CARS2: variants seen among roughly 807,000 people sequenced by gnomAD.
CARS2 encodes cysteinyl-tRNA synthetase 2, mitochondrial.
A neutral mutation model predicts 68.8 loss-of-function variants in CARS2; 52 were observed. That is an observed-to-expected ratio of 0.76 (90% CI 0.61 to 0.95). The LOEUF (loss-of-function observed/expected upper bound fraction) is 0.95. Ranked by LOEUF, CARS2 falls within the 40% of genes least tolerant of loss-of-function variation. The probability of loss-of-function intolerance (pLI) is 0.00; values close to 1 mark genes in which losing one functional copy is unlikely to be tolerated. For synonymous variants in CARS2, 314 were observed against 303.6 expected (o/e 1.03, Z -0.36); for missense variants, 780 against 754.2 (o/e 1.03, Z -0.40).
chr13:110,656,420 T>C (rs1314158511), intron 9 of CARS2, among the ~76,000 whole-genome samples: 4 of 152,330 alleles, frequency 2.6e-5, no homozygotes, highest in African/African-American at 9.6e-5. Flanking sequence ...CGCGAGTGTA[T>C]GTTCAGACCA....
At chr13:110,656,622 C>G (rs570851352) in intron 9 of CARS2, among the ~76,000 whole-genome samples, 38 of 152,200 alleles carry the variant, frequency 2.5e-4, no homozygotes, top group Admixed American at 2.1e-3. Context: ...TGGTGGCTCA[C>G]GCCTGTAAGC....
rs2062963850 is a variant in CARS2 at position 110,676,830 on chromosome 13, C to T, written c.785+144G>A. On this transcript the variant is annotated intron_variant, in intron 7 of 14. Transcript: ENST00000257347. This position sits in a 1 kb window ranked among gnomAD's most constrained non-coding sequence, Gnocchi z 4.0. ...GTTCACCCCGTTCCATGGCCCGTCA[C>T]ACTCCGGCAAAAATCTCTTCCCAAA... 4 of 1,097,628 alleles carry T rather than the reference C, an allele frequency of 3.6e-6. No homozygotes were observed. The highest frequency in any genetic ancestry group is 5.0e-6 in the Non-Finnish European group (4 of 796,010). 68.0% of individuals were successfully genotyped at this position (1,097,628 alleles called of 1,614,324 possible). A position where few individuals can be genotyped will look rare whatever the true frequency, so the allele number is the denominator to read the frequency against.
chr13:110,679,602 AGAGAGAG>A (rs1566712679), intron 6 of CARS2, among the ~76,000 whole-genome samples: 5 of 100,416 alleles, frequency 5.0e-5, no homozygotes, highest in African/African-American at 1.5e-4. Context: ...AAAGAAAGAG[AGAGAGAG>A]AGAGAGAGAG....
At chr13:110,667,552 C>T in intron 7 of CARS2, 79 bp from the exon 8 acceptor site, 1 of 1,314,852 alleles carries the variant, frequency 7.6e-7, no homozygotes. Context: ...TTTATTCCTT[C>T]CAGCCTTTTT....
rs868174323 is a variant in CARS2, at chr13:110,677,651, A to C, written c.656-548T>G. On this transcript the variant is annotated intron_variant, in intron 6 of 14. Transcript: ENST00000257347. ...CCACCACAGAAACTCAGTCACCCCC[A>C]CCAGGGAGACCCAGACAATCACACC... Among the ~76,000 whole-genome samples, 3 of 27,276 alleles carry C rather than the reference A, an allele frequency of 1.1e-4. No homozygotes were observed. In the South Asian group the frequency reaches 3.6e-3, roughly 33 times the overall value. The allele number at this position is 27,276 out of a possible 152,430, so 17.9% of individuals were successfully genotyped here. A position where few individuals can be genotyped will look rare whatever the true frequency, so the allele number is the denominator to read the frequency against.
At chr13:110,683,022 A>AC (rs1279546866) in intron 6 of CARS2, 29 bp downstream of exon 6, 2 of 1,553,178 alleles carry the variant, frequency 1.3e-6, no homozygotes, top group South Asian at 2.3e-5. Flanking sequence ...GAGGTCAGGG[A>AC]CCCACAGGGC....
Position 110,683,013 on chromosome 13 carries a change from A to T in CARS2, c.655+38T>A, listed in dbSNP as rs763359038. ...TCCCCAGAGCTGAGACCCGAGGCAG[A>T]GGTCAGGGACCCACAGGGCTGAGCC... is the stretch of plus-strand genomic sequence containing the variant. On this transcript the variant is annotated intron_variant, in intron 6 of 14. Transcript: ENST00000257347. 4 of 1,475,064 alleles carry T rather than the reference A, an allele frequency of 2.7e-6. No homozygotes were observed. In the African/African-American group the frequency reaches 5.7e-5, roughly 21 times the overall value. 91.4% of individuals were successfully genotyped at this position (1,475,064 alleles called of 1,614,324 possible).
intron 6 of CARS2, 140 bp from the exon 7 acceptor site, chr13:110,677,243 C>T: frequency 4.2e-6 from 2 of 474,086 alleles, no homozygotes; most frequent in Non-Finnish European, 3.1e-6. Context: ...CATGGAAACC[C>T]AGACAGTCAC....
exon 1 of CARS2, chr13:110,713,159 C>T: frequency 7.0e-7 from 1 of 1,429,266 alleles, no homozygotes; most frequent in Non-Finnish European, 9.1e-7. Context: ...TCCTCTTCAT[C>T]GTGATTGGGC....
chr13:110,676,482 G>A lies in CARS2; in HGVS notation c.785+492C>T, dbSNP rs1393917838. 6.6e-6 allele frequency among the ~76,000 whole-genome samples: 1 copy of A among 152,108 alleles called. No individual in the cohort carries two copies. Among genetic ancestry groups the A allele is most frequent in the Non-Finnish European group, 1.5e-5 (1 of 68,002 alleles). On this transcript the variant is annotated intron_variant, in intron 7 of 14. Coordinates refer to ENST00000257347, the MANE Select transcript of CARS2 (RefSeq NM_024537.4). This position sits in a 1 kb window ranked among gnomAD's most constrained non-coding sequence, Gnocchi z 4.0. ...GGCAGACAGTGGGAAGAGGAGCTTT[G>A]GTGACAGAGGACCCACATGAGGGTG...
chr13:110,696,563 G>A (rs2063629705), intron 3 of CARS2, among the ~76,000 whole-genome samples: 1 of 152,120 alleles, frequency 6.6e-6, no homozygotes, highest in Non-Finnish European at 1.5e-5. Flanking sequence ...TCATAACTAT[G>A]GGTTTCAGAT....
intron 9 of CARS2, among the ~76,000 whole-genome samples, chr13:110,660,387 T>A (rs1203771370): frequency 6.6e-6 from 1 of 152,240 alleles, no homozygotes; most frequent in East Asian, 1.9e-4. Context: ...TCTAGAATGG[T>A]GAATCCTTTC....
intron 9 of CARS2, among the ~76,000 whole-genome samples, chr13:110,651,606 T>C (rs1030820338): frequency 6.6e-6 from 1 of 152,188 alleles, no homozygotes; most frequent in African/African-American, 2.4e-5. Flanking sequence ...GGTGGCACAG[T>C]TCTTGTAAAC....
At chr13:110,669,447 G>A (rs1369161672) in intron 7 of CARS2, among the ~76,000 whole-genome samples, 1 of 152,204 alleles carries the variant, frequency 6.6e-6, no homozygotes, top group East Asian at 1.9e-4. Context: ...AATCTCTGAT[G>A]TAGCTACTAG....
chr13:110,680,567 A>C (rs566587212), intron 6 of CARS2, among the ~76,000 whole-genome samples: 2 of 152,300 alleles, frequency 1.3e-5, no homozygotes, highest in Admixed American at 1.3e-4. Context: ...TACACCATCT[A>C]CAAAGTAGCC....
chr13:110,658,336 CAG>C (rs1048782138), intron 9 of CARS2, among the ~76,000 whole-genome samples: 3 of 152,022 alleles, frequency 2.0e-5, no homozygotes, highest in East Asian at 1.9e-4. Flanking sequence ...ATCATAGAAA[CAG>C]AAAGTAGAAG....
intron 9 of CARS2, among the ~76,000 whole-genome samples, chr13:110,654,671 G>A (rs544455432): frequency 5.3e-5 from 8 of 151,788 alleles, no homozygotes; most frequent in South Asian, 4.2e-4. Context: ...TAATCCCAGC[G>A]CTTTGTGAGG....
At chr13:110,658,781 T>C (rs888564682) in intron 9 of CARS2, among the ~76,000 whole-genome samples, 1 of 151,810 alleles carries the variant, frequency 6.6e-6, no homozygotes. Flanking sequence ...AAACAAAAAT[T>C]AGCCAGGCAT....
intron 6 of CARS2, among the ~76,000 whole-genome samples, chr13:110,678,928 C>T (rs139628477): frequency 7.2e-5 from 11 of 152,272 alleles, no homozygotes; most frequent in Middle Eastern, 3.4e-3. Context: ...GGAGGAGGCA[C>T]GTGCATGGGA....
Sources: allele counts gnomAD v4.1 joint callset (sites outside exome capture counted in the v4.1 genomes callset), GRCh38; gene constraint gnomAD v4.1.1; non-coding constraint Gnocchi (gnomAD v3.1); transcripts MANE v1.5; gene names NCBI Gene and HGNC (gene_info 2026-07-23, HGNC 2026-07-21).